The following XKR6 variants were observed in gnomAD, a reference collection of about 807,000 sequenced individuals.
The protein encoded by XKR6 is XK-related protein 6.
XKR6 carries 22 observed loss-of-function variants against 56.7 expected under a neutral mutation model. The ratio of observed to expected loss-of-function variants is 0.39; its 90% confidence interval spans 0.28 to 0.55. The LOEUF (loss-of-function observed/expected upper bound fraction) is 0.55, where lower values mean the gene tolerates loss of function less well. Ranked by LOEUF, XKR6 falls within the 20% of genes least tolerant of loss-of-function variation. XKR6 has a pLI of 0.66. For synonymous variants in XKR6, 524 were observed against 387.8 expected (o/e 1.35, Z -4.13); for missense variants, 852 against 889.0 (o/e 0.96, Z 0.53).
intron 1 of XKR6, among the ~76,000 whole-genome samples, chr8:11,196,373 C>T (rs374087722): frequency 6.6e-5 from 10 of 151,958 alleles, no homozygotes; most frequent in East Asian, 3.9e-4. Context: ...TTTGAATTTG[C>T]GAATTCTTTC....
At chr8:10,956,604 T>A (rs999592378) in intron 1 of XKR6, among the ~76,000 whole-genome samples, 13 of 151,940 alleles carry the variant, frequency 8.6e-5, no homozygotes, top group African/African-American at 3.1e-4. Flanking sequence ...AATCCAGGAG[T>A]CAGGAGTCTA....
intron 2 of XKR6, among the ~76,000 whole-genome samples, chr8:10,899,364 C>T (rs922225455): frequency 6.6e-6 from 1 of 152,218 alleles, no homozygotes; most frequent in Admixed American, 6.5e-5. Flanking sequence ...CAAGGGTTTA[C>T]CCACCGCCCT....
At chr8:11,074,287 C>T (rs186836311) in intron 1 of XKR6, among the ~76,000 whole-genome samples, 1 of 152,234 alleles carries the variant, frequency 6.6e-6, no homozygotes, top group Non-Finnish European at 1.5e-5. Flanking sequence ...CGTTTCCCGG[C>T]CTTGGGTCTC....
intron 1 of XKR6, among the ~76,000 whole-genome samples, chr8:11,068,669 C>T (rs1009879249): frequency 6.6e-6 from 1 of 152,154 alleles, no homozygotes; most frequent in Admixed American, 6.5e-5. Context: ...CTGCACACAG[C>T]CTGCCCACCT....
intron 1 of XKR6, among the ~76,000 whole-genome samples, chr8:11,065,812 C>A (rs1799962401): frequency 6.6e-6 from 1 of 152,202 alleles, no homozygotes; most frequent in East Asian, 1.9e-4. Flanking sequence ...TCCTACTACA[C>A]AGCAGCTGTC....
At chr8:11,036,953 G>C (rs1361679573) in intron 1 of XKR6, among the ~76,000 whole-genome samples, 4 of 152,196 alleles carry the variant, frequency 2.6e-5, no homozygotes, top group Admixed American at 6.5e-5. Flanking sequence ...CTCTCAGTTA[G>C]CTCTCCCCTG....
intron 1 of XKR6, among the ~76,000 whole-genome samples, chr8:11,041,398 A>C (rs1434275394): frequency 6.6e-6 from 1 of 152,108 alleles, no homozygotes; most frequent in African/African-American, 2.4e-5. Context: ...TCTACTAAAA[A>C]TACAAAAACT....
chr8:11,161,596 G>A (rs1366313772), intron 1 of XKR6, among the ~76,000 whole-genome samples: 1 of 152,178 alleles, frequency 6.6e-6, no homozygotes, highest in Non-Finnish European at 1.5e-5. Flanking sequence ...GTGCCTGGCA[G>A]TTCTTTCTTT....
chr8:11,145,072 C>T (rs1244004825), intron 1 of XKR6, among the ~76,000 whole-genome samples: 3 of 142,222 alleles, frequency 2.1e-5, no homozygotes, highest in African/African-American at 8.1e-5. Context: ...AAACAAACTA[C>T]CTGAGTATCT....
chr8:11,017,521 T>C (rs1433605778), intron 1 of XKR6, among the ~76,000 whole-genome samples: 11 of 152,246 alleles, frequency 7.2e-5, no homozygotes, highest in Admixed American at 7.2e-4. Flanking sequence ...ATTTGTTCAT[T>C]CTTTCAAGCA....
At chr8:11,089,604 T>G (rs556922333) in intron 1 of XKR6, among the ~76,000 whole-genome samples, 1 of 152,310 alleles carries the variant, frequency 6.6e-6, no homozygotes, top group South Asian at 2.1e-4. Context: ...TCTACTGTAC[T>G]TCTGCCTAGG....
At chr8:10,985,082 G>A (rs985932247) in intron 1 of XKR6, among the ~76,000 whole-genome samples, 4 of 151,932 alleles carry the variant, frequency 2.6e-5, no homozygotes, top group Non-Finnish European at 4.4e-5. Context: ...TGGGATTACA[G>A]GCACACACCA....
At chr8:11,048,791 G>A (rs1799472645) in intron 1 of XKR6, among the ~76,000 whole-genome samples, 1 of 152,162 alleles carries the variant, frequency 6.6e-6, no homozygotes, top group African/African-American at 2.4e-5. Flanking sequence ...CGCTGCCCCT[G>A]GCTCTGCGTG....
At chr8:10,920,589 TTTTC>T (rs1352785066) in intron 2 of XKR6, among the ~76,000 whole-genome samples, 1 of 152,216 alleles carries the variant, frequency 6.6e-6, no homozygotes, top group African/African-American at 2.4e-5. Flanking sequence ...ACTAAACTGA[TTTTC>T]TTTAAGGCTT....
At chr8:11,134,301 T>A (rs530779992) in intron 1 of XKR6, among the ~76,000 whole-genome samples, 8 of 152,286 alleles carry the variant, frequency 5.3e-5, no homozygotes, top group African/African-American at 1.9e-4. Context: ...CCCAATGCCT[T>A]AAGGGCGTGG....
At chr8:11,119,624 C>T (rs1281640879) in intron 1 of XKR6, among the ~76,000 whole-genome samples, 1 of 152,188 alleles carries the variant, frequency 6.6e-6, no homozygotes, top group Non-Finnish European at 1.5e-5. Flanking sequence ...ACTAGGATTG[C>T]AAACCCTGCC....
chr8:11,021,859 T>G (rs750625413), intron 1 of XKR6, among the ~76,000 whole-genome samples: 2 of 152,056 alleles, frequency 1.3e-5, no homozygotes, highest in African/African-American at 2.4e-5. Context: ...TGACCTTGGC[T>G]TCCTGAACTT....
chr8:11,013,022 T>A (rs1798535712), intron 1 of XKR6, among the ~76,000 whole-genome samples: 1 of 152,250 alleles, frequency 6.6e-6, no homozygotes, highest in South Asian at 2.1e-4. Flanking sequence ...TCCTTCGGCT[T>A]GAAGATGAAA....
intron 1 of XKR6, among the ~76,000 whole-genome samples, chr8:10,966,947 G>A (rs1362439310): frequency 1.3e-5 from 2 of 152,054 alleles, no homozygotes; most frequent in Non-Finnish European, 2.9e-5. Context: ...ATCTCCCCAG[G>A]CAATTACGAA....
Sources: allele counts gnomAD v4.1 joint callset (sites outside exome capture counted in the v4.1 genomes callset), GRCh38; gene constraint gnomAD v4.1.1; transcripts MANE v1.5; gene names NCBI Gene and HGNC (gene_info 2026-07-23, HGNC 2026-07-21).